Variants in CBARP observed in about 807,000 individuals in gnomAD.
The protein encoded by CBARP is voltage-dependent calcium channel beta subunit-associated regulatory protein.
CBARP carries 24 observed loss-of-function variants against 36.3 expected under a neutral mutation model. The ratio of observed to expected loss-of-function variants is 0.66; its 90% CI spans 0.48 to 0.93. CBARP has a LOEUF of 0.93. CBARP is among the 40% of genes least tolerant of loss of function. The pLI, the probability that CBARP is intolerant of heterozygous loss-of-function variation, is 0.00. For missense variants in CBARP, 1,146 were observed against 980.4 expected, an observed-to-expected ratio of 1.17 and a Z score of -2.26; for synonymous variants, 586 against 453.2, an observed-to-expected ratio of 1.29 and a Z score of -3.72.
In CBARP at chr19:1,232,374, C is replaced by T. The variant is rs4807026; in HGVS notation, c.979+1052G>A. On this transcript the variant is annotated intron_variant, in intron 8 of 9. Coordinates refer to ENST00000650044, the MANE Select transcript of CBARP (RefSeq NM_001393918.1). ...GCCACAACACAGGGTCTCCCACTGT[C>T]TGATGATGTGTCCTCTGTCATGCTG... 2.0e-4 allele frequency among the ~76,000 whole-genome samples: 31 copies of T among 152,282 alleles called. No individual in the cohort carries two copies. The East Asian group carries it at 6.0e-3, about 29-fold the overall frequency.
At position 1,235,578 on chromosome 19, in the gene CBARP, T is replaced by A. The variant is rs1446369627; in HGVS notation, c.246-13A>T. 1.9e-6 allele frequency: 3 copies of A among 1,607,056 alleles called. No homozygotes were observed. The highest frequency in any genetic ancestry group is 2.5e-6 in the Non-Finnish European group (3 of 1,177,208). Reference sequence around the variant, plus strand: ...TTCCTCCATGGCCCTGGGAGAGACGTTGGGAGAGCCCAGTGGCACGGAGGG... The same window carrying A: ...TTCCTCCATGGCCCTGGGAGAGACGATGGGAGAGCCCAGTGGCACGGAGGG... On this transcript the variant is annotated splice_polypyrimidine_tract_variant and intron_variant, in intron 3 of 9. Coordinates refer to ENST00000650044, the MANE Select transcript of CBARP (RefSeq NM_001393918.1).
chr19:1,230,739 G>A lies in CBARP; in HGVS notation c.1154+362C>T, dbSNP rs1375904262. ...CCGGAGTGGTCACAGCAGCTTCTGA[G>A]AGGAGTCTGCCCAGCCTTGGGAGCA... is the stretch of plus-strand genomic sequence containing the variant. On this transcript the variant is annotated intron_variant, in intron 9 of 9. Transcript: ENST00000650044. 7.6e-6 allele frequency: 10 copies of A among 1,307,204 alleles called. No homozygotes were observed. The Admixed American group carries it at 3.2e-4, about 42-fold the overall frequency. 81.0% of individuals were successfully genotyped at this position (1,307,204 alleles called of 1,614,324 possible).
In CBARP at chr19:1,233,486, A is replaced by G. The variant is rs1210009386; in HGVS notation, c.919T>C (p.Phe307Leu). ...HASLDGASPY[F>L]KVKKWKLEPS... ...TCCAGCTTCCACTTCTTGACCTTGA[A>G]ATAGGGGCTGGCCCCATCCAGGCTG... is the stretch of plus-strand genomic sequence containing the variant. Residue 307 changes from phenylalanine (F) to leucine (L), a missense_variant, in exon 8 of 10, where the codon TTC (phenylalanine) becomes CTC (leucine). By Grantham distance (22) the Phe-to-Leu change is conservative. Transcript: ENST00000650044. 2 of 1,605,840 alleles carry G rather than the reference A, an allele frequency of 1.2e-6. No homozygotes were observed. Among genetic ancestry groups the G allele is most frequent in the Non-Finnish European group, 1.7e-6 (2 of 1,176,926 alleles).
intron 6 of CBARP, 70 bp downstream of exon 6, chr19:1,234,501 T>TG (rs532628028): frequency 5.6e-4 from 841 of 1,491,338 alleles, no homozygotes; most frequent in Non-Finnish European, 7.2e-4. Flanking sequence ...GGTGAGGGCG[T>TG]GGGGGTCCGG....
Position 1,231,116 on chromosome 19 carries a change from G to A in CBARP, c.1139C>T (p.Pro380Leu), listed in dbSNP as rs755004029. The change falls in exon 9 of 10, where the codon CCC becomes CTC. Residue 380 changes from proline to leucine, a missense_variant. Physicochemically the swap from Pro to Leu is moderately conservative, Grantham distance 98 (BLOSUM62 -3). Transcript: ENST00000650044. ...PHPRPFLASP[P>L]PALGRLEAAE... is the part of the protein sequence containing the mutation. ...TGAAAAATACCTGCCGAGAGCAGGGGGCGGGCTGGCCAGAAAGGGGCGGGG... is the reference window on the plus strand; with the variant it reads ...TGAAAAATACCTGCCGAGAGCAGGGAGCGGGCTGGCCAGAAAGGGGCGGGG... The A allele has an allele frequency of 1.3e-6, 2 of 1,598,894 alleles. No homozygotes were observed. Among genetic ancestry groups the A allele is most frequent in the Non-Finnish European group, 1.7e-6 (2 of 1,171,934 alleles).
intron 1 of CBARP, among the ~76,000 whole-genome samples, chr19:1,237,351 G>A (rs111345780): frequency 3.3e-5 from 5 of 152,210 alleles, no homozygotes; most frequent in African/African-American, 1.2e-4. Context: ...GCAGGATGGT[G>A]ACCGGAGGCC....
In CBARP at chr19:1,228,617, A is replaced by T. The variant is rs1351853962; in HGVS notation, c.*562T>A. Reference sequence around the variant, plus strand: ...GGAGGCGGCGCGGGCTGCCGCCAGCACACGCCGCAGTGAGGTAAACGGTCT... The same window carrying T: ...GGAGGCGGCGCGGGCTGCCGCCAGCTCACGCCGCAGTGAGGTAAACGGTCT... On this transcript the variant is annotated 3_prime_UTR_variant, in exon 10 of 10. Transcript: ENST00000650044. 1.3e-5 allele frequency: 2 copies of T among 157,566 alleles called. No homozygotes were observed. Among genetic ancestry groups the T allele is most frequent in the Non-Finnish European group, 2.8e-5 (2 of 72,574 alleles). 9.8% of individuals were successfully genotyped at this position (157,566 alleles called of 1,614,324 possible). A position where few individuals can be genotyped will look rare whatever the true frequency, so the allele number is the denominator to read the frequency against.
chr19:1,229,878 G>GGAGCCT lies in CBARP; in HGVS notation c.1413_1418dup (p.Ser473_Gly474dup). 9.9e-7 allele frequency: 1 copy of GGAGCCT among 1,014,686 alleles called. No individual in the cohort carries two copies. The highest frequency in any genetic ancestry group is 1.2e-6 in the Non-Finnish European group (1 of 844,708). 62.9% of individuals were successfully genotyped at this position (1,014,686 alleles called of 1,614,324 possible). A position where few individuals can be genotyped will look rare whatever the true frequency, so the allele number is the denominator to read the frequency against. ...GCGGGAAGGCGGGCGCCGCGCCCCC[G>GGAGCCT]GAGCCTGAGCCCGAGCTGTCGCCGC... On this transcript the variant is annotated inframe_insertion, in exon 10 of 10. Transcript: ENST00000650044. This position sits in a 1 kb window ranked among gnomAD's most constrained non-coding sequence, Gnocchi z 5.1.
At chr19:1,230,289 C>T (rs923376509) in intron 9 of CBARP, 147 bp from the exon 10 acceptor site, 2 of 991,002 alleles carry the variant, frequency 2.0e-6, no homozygotes, top group Admixed American at 6.1e-5. Context: ...TAAAATGAGC[C>T]AGTGTGTTTT....
chr19:1,233,780 A>C (rs2080925080), intron 7 of CBARP, 144 bp from the exon 8 acceptor site: 2 of 826,422 alleles, frequency 2.4e-6, no homozygotes, highest in South Asian at 3.7e-5. Flanking sequence ...AGAGGGGCAG[A>C]AGCGGGAGGA....
chr19:1,229,964 C>A lies in CBARP; in HGVS notation c.1333G>T (p.Glu445Ter). The change falls in exon 10 of 10, where the codon GAG (glutamate) becomes TAG (stop). Residue 445 changes from glutamate to a stop codon, truncating the protein, a stop_gained. Transcript: ENST00000650044. LOFTEE classifies it low-confidence loss of function (END_TRUNC). The surrounding 1 kb of genome is among the most constrained non-coding windows in gnomAD (Gnocchi z 5.1). ...RDLWSLRASL[E>*]LHAAASDHSS... Reference sequence around the variant, plus strand: ...TGGTCCGAGGCGGCCGCATGCAGCTCAAGCGAGGCGCGCAGGCTCCACAGG... The same window carrying A: ...TGGTCCGAGGCGGCCGCATGCAGCTAAAGCGAGGCGCGCAGGCTCCACAGG... The A allele has an allele frequency of 8.2e-7, 1 of 1,212,576 alleles. No homozygotes were observed. The highest frequency in any genetic ancestry group is 1.0e-6 in the Non-Finnish European group (1 of 952,416). 75.1% of individuals were successfully genotyped at this position (1,212,576 alleles called of 1,614,324 possible).
At chr19:1,231,077 G>C in intron 9 of CBARP, 24 bp downstream of exon 9, 1 of 1,588,924 alleles carries the variant, frequency 6.3e-7, no homozygotes, top group South Asian at 1.1e-5. Context: ...TCCACCCCTA[G>C]CACCTCCATC....
rs770056312 is a variant in CBARP at position 1,235,897 on chromosome 19, C to G, written c.127G>C (p.Asp43His). The G allele has an allele frequency of 6.2e-7, 1 of 1,612,156 alleles. No individual in the cohort carries two copies. The highest frequency in any genetic ancestry group is 2.2e-5 in the East Asian group (1 of 44,886). Residue 43 changes from aspartate to histidine, a missense_variant, in exon 3 of 10, where the codon GAC becomes CAC. By Grantham distance (81) the Asp-to-His change is moderately conservative (BLOSUM62 -1). Transcript: ENST00000650044. The part of the protein sequence containing the change: ...RPTAEPDPIL[D>H]NYVLLVVVMS... Reference sequence around the variant, plus strand: ...ACCACCACCAGCAGCACGTAGTTGTCCAGGATGGGGTCTGGCTCTGCCTGC... The same window carrying G: ...ACCACCACCAGCAGCACGTAGTTGTGCAGGATGGGGTCTGGCTCTGCCTGC...
intron 7 of CBARP, 131 bp from the exon 8 acceptor site, chr19:1,233,767 C>T (rs1490253026): frequency 7.8e-6 from 7 of 901,692 alleles, no homozygotes; most frequent in South Asian, 3.6e-5. Flanking sequence ...GGTACCTGCT[C>T]GGAGAGGGGC....
At chr19:1,237,099 C>T (rs562172013) in intron 1 of CBARP, among the ~76,000 whole-genome samples, 6 of 152,294 alleles carry the variant, frequency 3.9e-5, no homozygotes, top group Admixed American at 3.9e-4. Flanking sequence ...CAGGTCAGCA[C>T]CGCACGCGCG....
chr19:1,231,331 A>ACACACACAGAATGCCTATGCCCCCCCGC, intron 8 of CBARP, 56 bp from the exon 9 acceptor site: 1 of 1,556,942 alleles, frequency 6.4e-7, no homozygotes, highest in Non-Finnish European at 8.7e-7. Flanking sequence ...CCCGCTCCAC[A>ACACACACAGAATGCCTATGCCCCCCCGC]CACACACAGA....
chr19:1,233,769 G>A, intron 7 of CBARP, 133 bp from the exon 8 acceptor site: 1 of 891,218 alleles, frequency 1.1e-6, no homozygotes, highest in Non-Finnish European at 1.7e-6. Flanking sequence ...TACCTGCTCG[G>A]AGAGGGGCAG....
intron 1 of CBARP, 27 bp downstream of exon 1, chr19:1,237,729 C>G (rs980016709): frequency 2.7e-5 from 4 of 150,562 alleles, no homozygotes; most frequent in Non-Finnish European, 3.0e-5. Context: ...CGTCCGCCCC[C>G]CGCAGCCCCG....
intron 9 of CBARP, 136 bp from the exon 10 acceptor site, chr19:1,230,278 T>C (rs965090584): frequency 3.0e-6 from 3 of 991,370 alleles, no homozygotes; most frequent in Non-Finnish European, 3.6e-6. Context: ...GGTGAGAGCT[T>C]TAAAATGAGC....
Sources: allele counts gnomAD v4.1 joint callset (sites outside exome capture counted in the v4.1 genomes callset), GRCh38; gene constraint gnomAD v4.1.1; non-coding constraint Gnocchi (gnomAD v3.1); transcripts MANE v1.5; gene names NCBI Gene and HGNC (gene_info 2026-07-23, HGNC 2026-07-21).